CCSER1: variants seen among roughly 807,000 people sequenced by gnomAD.
CCSER1 encodes the protein coiled-coil serine rich protein 1.
In CCSER1, 41 loss-of-function variants were observed where a neutral mutation model predicts 82.0. The observed-to-expected ratio is 0.50, with a 90% CI of 0.39 to 0.65. CCSER1 has a LOEUF of 0.65. Ranked by LOEUF, CCSER1 falls within the 30% of genes least tolerant of loss-of-function variation. The probability of loss-of-function intolerance (pLI) is 0.00; values close to 1 mark genes in which losing one functional copy is unlikely to be tolerated. For synonymous variants in CCSER1, 414 were observed against 383.9 expected, an observed-to-expected ratio of 1.08 and a Z score of -0.92; for missense variants, 1,119 against 1,064.2, an observed-to-expected ratio of 1.05 and a Z score of -0.72.
intron 9 of CCSER1, among the ~76,000 whole-genome samples, chr4:91,031,492 T>C (rs763668464): frequency 1.3e-5 from 2 of 152,126 alleles, no homozygotes; most frequent in Non-Finnish European, 2.9e-5. Context: ...AAATGCTTAT[T>C]CAATAAAAGC....
At chr4:91,397,343 A>G (rs956998208) in intron 10 of CCSER1, among the ~76,000 whole-genome samples, 13 of 151,976 alleles carry the variant, frequency 8.6e-5, no homozygotes, top group African/African-American at 2.9e-4. Flanking sequence ...TCCATAATAA[A>G]TGGATTACAT....
intron 1 of CCSER1, among the ~76,000 whole-genome samples, chr4:90,161,038 A>G (rs557214073): frequency 6.6e-6 from 1 of 152,316 alleles, no homozygotes; most frequent in Non-Finnish European, 1.5e-5. Flanking sequence ...AAACAAGGCC[A>G]AATAAAACTA....
At position 90,559,727 on chromosome 4, in the gene CCSER1, G is replaced by A. The variant is rs58057754; in HGVS notation, c.1725-68298G>A. Among the ~76,000 whole-genome samples the A allele has an allele frequency of 1.4e-3, 207 of 146,502 alleles. 1 individual carries two copies. In the East Asian group the frequency reaches 0.04, roughly 28 times the overall value. On this transcript the variant is annotated intron_variant, in intron 5 of 10. Coordinates refer to ENST00000509176, the MANE Select transcript of CCSER1 (RefSeq NM_001145065.2). ...CGGGAGACTGAGGCAGGAGAATGGC[G>A]TGAACCTGGGAGGCGGAGCTTGCAG...
At chr4:91,136,980 C>T (rs1383355529) in intron 10 of CCSER1, among the ~76,000 whole-genome samples, 1 of 150,266 alleles carries the variant, frequency 6.7e-6, no homozygotes, top group Non-Finnish European at 1.5e-5. Context: ...CAAAAATTCA[C>T]TTTAGTGATT....
At chr4:91,327,164 C>G (rs1008296886) in intron 10 of CCSER1, among the ~76,000 whole-genome samples, 2 of 152,164 alleles carry the variant, frequency 1.3e-5, no homozygotes, top group African/African-American at 4.8e-5. Flanking sequence ...TCGAACCCCA[C>G]ATTTCCCCTC....
At chr4:91,030,569 G>A (rs1740888408) in intron 9 of CCSER1, among the ~76,000 whole-genome samples, 1 of 152,192 alleles carries the variant, frequency 6.6e-6, no homozygotes, top group Admixed American at 6.5e-5. Flanking sequence ...ATTCATTTCT[G>A]TGGAAAATAA....
At chr4:91,394,222 T>G (rs1751830268) in intron 10 of CCSER1, among the ~76,000 whole-genome samples, 1 of 152,016 alleles carries the variant, frequency 6.6e-6, no homozygotes. Context: ...GAAAAAACAA[T>G]GCGTTGAAAT....
At chr4:91,532,451 G>A (rs73838036) in intron 10 of CCSER1, among the ~76,000 whole-genome samples, 10,068 of 152,178 alleles carry the variant, frequency 0.066, 360 homozygotes, top group Middle Eastern at 0.096. Flanking sequence ...CTATCATTAG[G>A]TAATTATTAT....
chr4:90,440,287 G>A (rs201769525), intron 4 of CCSER1, among the ~76,000 whole-genome samples: 15 of 152,264 alleles, frequency 9.9e-5, no homozygotes, highest in Non-Finnish European at 2.1e-4. Context: ...TTACAGTTAT[G>A]AGCCACTGCA....
chr4:91,453,006 T>C (rs1419310595), intron 10 of CCSER1, among the ~76,000 whole-genome samples: 2 of 152,088 alleles, frequency 1.3e-5, no homozygotes, highest in African/African-American at 4.8e-5. Flanking sequence ...TTTGTATTAC[T>C]CTCTTTTAAA....
Position 91,521,833 on chromosome 4 carries a change from C to G in CCSER1, c.2218-76739C>G, listed in dbSNP as rs540799054. Among the ~76,000 whole-genome samples, 12 of 152,284 alleles carry G rather than the reference C, an allele frequency of 7.9e-5. No individual in the cohort carries two copies. The South Asian group carries it at 2.5e-3, about 32-fold the overall frequency. On this transcript the variant is annotated intron_variant, in intron 10 of 10. Transcript: ENST00000509176. ...AATTTTCTCCCATTCTGTAGGTTGC[C>G]TGTTCACTCTGATGGCAGTTCCTTT... is the stretch of plus-strand genomic sequence containing the variant.
At chr4:90,257,481 A>C (rs953652176) in intron 1 of CCSER1, among the ~76,000 whole-genome samples, 1 of 152,112 alleles carries the variant, frequency 6.6e-6, no homozygotes, top group African/African-American at 2.4e-5. Context: ...TCTAAATAGC[A>C]TAGCATGCTC....
chr4:90,489,862 T>G (rs1274390611), intron 5 of CCSER1, among the ~76,000 whole-genome samples: 1 of 152,216 alleles, frequency 6.6e-6, no homozygotes, highest in East Asian at 1.9e-4. Flanking sequence ...CATCCATTTT[T>G]ATGGCTGCAT....
chr4:91,581,603 A>G (rs566153246), intron 10 of CCSER1, among the ~76,000 whole-genome samples: 7 of 151,830 alleles, frequency 4.6e-5, no homozygotes, highest in African/African-American at 1.7e-4. Context: ...AGTATTCCAA[A>G]TGATGATTTA....
rs562766489 is a variant in CCSER1 at position 90,440,170 on chromosome 4, G to T, written c.1604-28064G>T. On this transcript the variant is annotated intron_variant, in intron 4 of 10. Coordinates refer to ENST00000509176, the MANE Select transcript of CCSER1 (RefSeq NM_001145065.2). The stretch of plus-strand genomic sequence containing the variant: ...AGTAGTGTGCCACTATGCCTGGCTA[G>T]TTTTTTTTACTTTTTGTAGAGACAG... 2.3e-4 allele frequency among the ~76,000 whole-genome samples: 35 copies of T among 151,648 alleles called. No individual in the cohort carries two copies. In the East Asian group the frequency reaches 6.4e-3, roughly 28 times the overall value.
At chr4:90,198,838 G>A (rs1737100492) in intron 1 of CCSER1, among the ~76,000 whole-genome samples, 1 of 151,912 alleles carries the variant, frequency 6.6e-6, no homozygotes, top group African/African-American at 2.4e-5. Flanking sequence ...TGCATGAATA[G>A]GATAGTTATG....
intron 10 of CCSER1, among the ~76,000 whole-genome samples, chr4:91,311,362 T>A (rs1429017139): frequency 2.0e-5 from 3 of 151,954 alleles, no homozygotes; most frequent in Non-Finnish European, 2.9e-5. Flanking sequence ...AATTACAATG[T>A]TTTTCTCCTG....
chr4:90,185,361 C>G (rs1734431753), intron 1 of CCSER1, among the ~76,000 whole-genome samples: 2 of 151,996 alleles, frequency 1.3e-5, no homozygotes, highest in African/African-American at 2.4e-5. Context: ...TGAACATGGC[C>G]TCCTCCCTAG....
intron 1 of CCSER1, among the ~76,000 whole-genome samples, chr4:90,160,135 T>G (rs1379282527): frequency 6.6e-6 from 1 of 152,202 alleles, no homozygotes; most frequent in Non-Finnish European, 1.5e-5. Context: ...ATAGTAGTTG[T>G]TGCACTCAAC....
Sources: gnomAD v4.1 joint callset for allele counts (sites outside exome capture counted in the v4.1 genomes callset) on GRCh38, gnomAD v4.1.1 for gene constraint, MANE v1.5 for transcripts, NCBI Gene and HGNC (gene_info 2026-07-23, HGNC 2026-07-21) for gene names.